DIS3L2: variants seen among roughly 807,000 people sequenced by gnomAD.
DIS3L2 encodes DIS3 like 3'-5' exoribonuclease 2, also known as DIS3-like exonuclease 2.
A neutral mutation model predicts 97.5 loss-of-function variants in DIS3L2; 34 were observed. The ratio of observed to expected loss-of-function variants is 0.35; its 90% CI spans 0.27 to 0.46. The LOEUF is 0.46. Ranked by LOEUF, DIS3L2 falls within the 20% of genes least tolerant of loss-of-function variation. The pLI is 1.00. For synonymous variants in DIS3L2, 435 were observed against 445.2 expected (o/e 0.98, Z 0.29); for missense variants, 1,038 against 1,146.0 (o/e 0.91, Z 1.36).
At chr2:232,328,264 G>A (rs1695631707) in intron 14 of DIS3L2, among the ~76,000 whole-genome samples, 2 of 152,202 alleles carry the variant, frequency 1.3e-5, no homozygotes, top group Admixed American at 1.3e-4. Context: ...CCATGAGCCA[G>A]CCCAAAAAAG....
chr2:232,162,014 G>A (rs534024334), intron 8 of DIS3L2, among the ~76,000 whole-genome samples: 18 of 152,020 alleles, frequency 1.2e-4, no homozygotes, highest in African/African-American at 3.4e-4. Context: ...CTTGTGATCC[G>A]CCTGCCTCAG....
At chr2:232,290,199 C>T (rs559559166) in intron 13 of DIS3L2, among the ~76,000 whole-genome samples, 5 of 152,264 alleles carry the variant, frequency 3.3e-5, no homozygotes, top group Admixed American at 6.5e-5. Context: ...AGCAGATTGG[C>T]TGCACTCTCT....
rs370929396 is a variant in DIS3L2 at position 232,125,593 on chromosome 2, A to G, written c.602-5026A>G. On this transcript the variant is annotated intron_variant, in intron 6 of 20. Transcript: ENST00000325385. ...TAAGTTGTAAGTTAAAAGAGGTAAT[A>G]TAGGCGAGCATGCTGTGAAAATTCT... Among the ~76,000 whole-genome samples, 44 of 152,312 alleles carry G rather than the reference A, an allele frequency of 2.9e-4. No individual in the cohort carries two copies. The South Asian group carries it at 8.9e-3, about 31-fold the overall frequency.
chr2:232,226,988 A>G (rs1213126212), intron 10 of DIS3L2, among the ~76,000 whole-genome samples: 1 of 151,826 alleles, frequency 6.6e-6, no homozygotes. Flanking sequence ...ACAAATAAAC[A>G]AAAACAAAAA....
intron 4 of DIS3L2, 27 bp from the exon 5 acceptor site, chr2:232,029,952 A>G: frequency 6.5e-7 from 1 of 1,540,088 alleles, no homozygotes; most frequent in South Asian, 1.2e-5. Flanking sequence ...TAAGCTCACT[A>G]TTGTTTTATT....
chr2:232,254,173 C>T (rs1435083380), intron 12 of DIS3L2, among the ~76,000 whole-genome samples: 1 of 152,112 alleles, frequency 6.6e-6, no homozygotes, highest in African/African-American at 2.4e-5. Flanking sequence ...TCCTTTCTCC[C>T]ATAGATTTTC....
intron 8 of DIS3L2, among the ~76,000 whole-genome samples, chr2:232,142,435 A>G (rs1249115962): frequency 3.3e-5 from 5 of 152,190 alleles, no homozygotes; most frequent in South Asian, 2.1e-4. Context: ...CAAAGTCGCC[A>G]TCTTCAACTG....
At chr2:232,202,094 G>A (rs1691908236) in intron 9 of DIS3L2, among the ~76,000 whole-genome samples, 1 of 152,164 alleles carries the variant, frequency 6.6e-6, no homozygotes, top group Non-Finnish European at 1.5e-5. Context: ...CTCTGCTTCA[G>A]GATGTTGTTT....
intron 13 of DIS3L2, among the ~76,000 whole-genome samples, chr2:232,342,898 T>C (rs1222537033): frequency 2.0e-5 from 3 of 151,936 alleles, no homozygotes; most frequent in African/African-American, 7.2e-5. Context: ...GGGTCTTTTC[T>C]GCAGAAGAGT....
intron 9 of DIS3L2, among the ~76,000 whole-genome samples, chr2:232,173,884 CTT>C (rs1372081833): frequency 6.6e-6 from 1 of 152,104 alleles, no homozygotes; most frequent in Non-Finnish European, 1.5e-5. Flanking sequence ...ATTCTTCCAA[CTT>C]TGCTTTTTTT....
Position 232,337,091 on chromosome 2 carries a change from G to T in DIS3L2, c.*461G>T. 1 of 1,024,084 alleles carries T rather than the reference G, an allele frequency of 9.8e-7. No individual in the cohort carries two copies. Among genetic ancestry groups the T allele is most frequent in the Non-Finnish European group, 1.2e-6 (1 of 855,992 alleles). The allele number at this position is 1,024,084 out of a possible 1,614,324, so 63.4% of individuals were successfully genotyped here. On this transcript the variant is annotated 3_prime_UTR_variant, in exon 21 of 21. Transcript: ENST00000325385. ...GCTGCTGAGCCGATGTCAACACCTG[G>T]AACTTTCCTGTCAGTTCCAACACGA...
chr2:232,086,634 T>TATATATATGTATATATATATATACAC (rs1559613412), intron 5 of DIS3L2, among the ~76,000 whole-genome samples: 37 of 63,612 alleles, frequency 5.8e-4, no homozygotes, highest in African/African-American at 2.5e-3. Flanking sequence ...TATATACACA[T>TATATATATGTATATATATATATACAC]ATATATATAT....
chr2:232,233,417 A>T (rs936952222), intron 10 of DIS3L2, among the ~76,000 whole-genome samples: 1 of 152,218 alleles, frequency 6.6e-6, no homozygotes, highest in Non-Finnish European at 1.5e-5. Context: ...TTTGTGAGGG[A>T]TCTACCTCTG....
In DIS3L2 at chr2:232,087,725, A is replaced by T; in HGVS notation, c.601+4A>T. On this transcript the variant is annotated splice_donor_region_variant and intron_variant, in intron 6 of 20. Transcript: ENST00000325385. ...TCAGTTTGTGTTTCTGAGAAAGGTG[A>T]GTACTAGACTATTGTCTTACTTTTT... 6.2e-7 allele frequency: 1 copy of T among 1,609,398 alleles called. No individual in the cohort carries two copies. Among genetic ancestry groups the T allele is most frequent in the Non-Finnish European group, 8.5e-7 (1 of 1,176,066 alleles).
At chr2:231,971,782 G>C (rs187026666) in intron 1 of DIS3L2, among the ~76,000 whole-genome samples, 1 of 149,132 alleles carries the variant, frequency 6.7e-6, no homozygotes, top group East Asian at 2.1e-4. Context: ...GGGTTTCACC[G>C]TGTTGGCCCA....
intron 5 of DIS3L2, among the ~76,000 whole-genome samples, chr2:232,084,371 A>T (rs1696507680): frequency 1.3e-5 from 2 of 152,170 alleles, no homozygotes; most frequent in Non-Finnish European, 2.9e-5. Context: ...TATTTACATT[A>T]TACCAGTTGA....
intron 10 of DIS3L2, among the ~76,000 whole-genome samples, chr2:232,230,216 T>C (rs1189676950): frequency 6.6e-6 from 1 of 152,192 alleles, no homozygotes; most frequent in Non-Finnish European, 1.5e-5. Flanking sequence ...GGGAATGTGC[T>C]TATCCCAAGT....
intron 5 of DIS3L2, among the ~76,000 whole-genome samples, chr2:232,079,972 G>A (rs74686515): frequency 6.6e-6 from 1 of 152,344 alleles, no homozygotes; most frequent in East Asian, 1.9e-4. Flanking sequence ...TTGGAAAGCT[G>A]TTGGGAGAAT....
intron 14 of DIS3L2, 28 bp from the exon 15 acceptor site, chr2:232,329,785 T>TCCCGGGGGC: frequency 3.2e-5 from 31 of 967,134 alleles, no homozygotes; most frequent in Non-Finnish European, 4.2e-5. Context: ...ACCCCAGCGG[T>TCCCGGGGGC]CCCTCCCATC....
Sources: allele counts gnomAD v4.1 joint callset (sites outside exome capture counted in the v4.1 genomes callset), GRCh38; gene constraint gnomAD v4.1.1; transcripts MANE v1.5; gene names NCBI Gene and HGNC (gene_info 2026-07-23, HGNC 2026-07-21).